Variants in ADAMTSL1 observed in about 807,000 individuals in gnomAD.
The protein encoded by ADAMTSL1 is ADAMTS-like protein 1.
Under a neutral mutation model 201.8 loss-of-function variants are expected in ADAMTSL1, and 126 were observed. The ratio of observed to expected loss-of-function variants is 0.62; its 90% CI spans 0.54 to 0.72. ADAMTSL1 has a LOEUF of 0.72. ADAMTSL1 is among the 30% of genes least tolerant of loss of function. The pLI is 0.00. For synonymous variants in ADAMTSL1, 1,121 were observed against 903.4 expected (o/e 1.24, Z -4.32); for missense variants, 2,679 against 2,277.8 (o/e 1.18, Z -3.59).
rs139037517 is a variant in ADAMTSL1, at chr9:17,991,914, C to T, written c.87+84992C>T. On this transcript the variant is annotated intron_variant, in intron 1 of 29. Coordinates refer to the ADAMTSL1 transcript ENST00000680146. Reference sequence around the variant, plus strand: ...AGGGCCCTGCCCCCGTGGTACCCTGCGACACTGCCTTGCCCCTCTCTCTCA... The same window carrying T: ...AGGGCCCTGCCCCCGTGGTACCCTGTGACACTGCCTTGCCCCTCTCTCTCA... Among the ~76,000 whole-genome samples, 993 of 152,230 alleles carry T rather than the reference C, an allele frequency of 6.5e-3. 7 individuals carry two copies. Among genetic ancestry groups the T allele is most frequent in the Middle Eastern group, 0.017 (5 of 294 alleles).
At chr9:18,886,166 G>GTATGTATATATATA (rs55916376) in intron 23 of ADAMTSL1, among the ~76,000 whole-genome samples, 43 of 37,080 alleles carry the variant, frequency 1.2e-3, no homozygotes, top group Non-Finnish European at 1.6e-3. Flanking sequence ...GTGTGTATGT[G>GTATGTATATATATA]TATATATATA....
intron 2 of ADAMTSL1, among the ~76,000 whole-genome samples, chr9:18,374,799 C>A (rs1428274962): frequency 6.6e-6 from 1 of 152,164 alleles, no homozygotes; most frequent in African/African-American, 2.4e-5. Flanking sequence ...ATTAGATGCA[C>A]TAAAGAAGAA....
chr9:18,078,590 G>T (rs554903379), intron 1 of ADAMTSL1, among the ~76,000 whole-genome samples: 5 of 152,216 alleles, frequency 3.3e-5, no homozygotes, highest in African/African-American at 9.6e-5. Context: ...ATATTTCTTT[G>T]GTCCTGGTGT....
intron 7 of ADAMTSL1, among the ~76,000 whole-genome samples, chr9:18,654,871 C>T (rs868506589): frequency 2.0e-5 from 3 of 152,220 alleles, no homozygotes; most frequent in African/African-American, 4.8e-5. Context: ...ACATCCCTGT[C>T]GCTCTGAGAG....
At chr9:17,994,769 A>G (rs1048857815) in intron 1 of ADAMTSL1, among the ~76,000 whole-genome samples, 4 of 152,182 alleles carry the variant, frequency 2.6e-5, no homozygotes, top group Admixed American at 6.5e-5. Context: ...AAGTCCAGGC[A>G]CAGGCTCTTT....
intron 1 of ADAMTSL1, among the ~76,000 whole-genome samples, chr9:18,012,423 T>C (rs1820088250): frequency 6.6e-6 from 1 of 152,086 alleles, no homozygotes; most frequent in African/African-American, 2.4e-5. Flanking sequence ...TGAAATCTTT[T>C]ATGAAGCATT....
intron 2 of ADAMTSL1, among the ~76,000 whole-genome samples, chr9:18,436,072 CA>C (rs1315348204): frequency 1.3e-5 from 2 of 152,160 alleles, no homozygotes; most frequent in East Asian, 3.9e-4. Context: ...GCCAGGGAAA[CA>C]GCAAGAACCA....
chr9:18,333,668 C>A (rs769355647), intron 2 of ADAMTSL1, among the ~76,000 whole-genome samples: 1 of 151,982 alleles, frequency 6.6e-6, no homozygotes, highest in Admixed American at 6.6e-5. Flanking sequence ...TAACTGAGTA[C>A]AATATTTGGT....
intron 13 of ADAMTSL1, among the ~76,000 whole-genome samples, chr9:18,685,677 T>C (rs1438047545): frequency 1.3e-5 from 2 of 152,184 alleles, no homozygotes; most frequent in Non-Finnish European, 2.9e-5. Flanking sequence ...GATTTCCAAA[T>C]TTTACTGGAG....
intron 9 of ADAMTSL1, among the ~76,000 whole-genome samples, chr9:18,664,499 G>C (rs1360334018): frequency 6.6e-6 from 1 of 151,914 alleles, no homozygotes; most frequent in Non-Finnish European, 1.5e-5. Context: ...CAACGTTCTT[G>C]GTATAAAGTC....
intron 26 of ADAMTSL1, among the ~76,000 whole-genome samples, chr9:18,899,226 A>C (rs1234200988): frequency 6.6e-6 from 1 of 152,190 alleles, no homozygotes; most frequent in Admixed American, 6.5e-5. Flanking sequence ...AATACCTAGG[A>C]ATACAGCAAA....
intron 7 of ADAMTSL1, among the ~76,000 whole-genome samples, chr9:18,646,064 T>C (rs1428503395): frequency 6.6e-6 from 1 of 152,112 alleles, no homozygotes; most frequent in Non-Finnish European, 1.5e-5. Context: ...TTTTATTTCC[T>C]TGAGCAGTGG....
At chr9:18,000,528 C>T (rs866632572) in intron 1 of ADAMTSL1, among the ~76,000 whole-genome samples, 1 of 152,006 alleles carries the variant, frequency 6.6e-6, no homozygotes, top group Admixed American at 6.6e-5. Flanking sequence ...GATCCTTTCT[C>T]TCTGCCATAG....
intron 1 of ADAMTSL1, among the ~76,000 whole-genome samples, chr9:18,049,068 C>A (rs562927400): frequency 6.6e-6 from 1 of 152,234 alleles, no homozygotes; most frequent in African/African-American, 2.4e-5. Context: ...CACACTGCTG[C>A]TTTCTCTGTG....
intron 2 of ADAMTSL1, among the ~76,000 whole-genome samples, chr9:18,427,076 G>T (rs923013482): frequency 2.0e-5 from 3 of 152,194 alleles, no homozygotes; most frequent in Non-Finnish European, 4.4e-5. Flanking sequence ...ATGCTTCCAT[G>T]ATTATCATTC....
intron 2 of ADAMTSL1, among the ~76,000 whole-genome samples, chr9:18,330,509 G>A (rs779094345): frequency 1.3e-5 from 2 of 151,802 alleles, no homozygotes; most frequent in Non-Finnish European, 2.9e-5. Flanking sequence ...CTTTCCATGT[G>A]GATGCCCGAG....
At chr9:18,601,497 C>T (rs1655605416) in intron 4 of ADAMTSL1, among the ~76,000 whole-genome samples, 1 of 152,138 alleles carries the variant, frequency 6.6e-6, no homozygotes, top group African/African-American at 2.4e-5. Context: ...AGAGTCTGGC[C>T]TAGTCTAAGT....
intron 2 of ADAMTSL1, among the ~76,000 whole-genome samples, chr9:18,421,826 T>C (rs774074449): frequency 9.9e-5 from 15 of 152,150 alleles, no homozygotes; most frequent in Non-Finnish European, 1.9e-4. Flanking sequence ...ATTGCAGAGT[T>C]ACTCAAATGC....
intron 2 of ADAMTSL1, among the ~76,000 whole-genome samples, chr9:18,354,805 A>G (rs1051719575): frequency 2.0e-5 from 3 of 152,046 alleles, no homozygotes; most frequent in Admixed American, 2.0e-4. Flanking sequence ...CCCCATCTCT[A>G]CTGAAAAATA....
Sources: gnomAD v4.1 joint callset for allele counts (sites outside exome capture counted in the v4.1 genomes callset) on GRCh38, gnomAD v4.1.1 for gene constraint, MANE v1.5 for transcripts, NCBI Gene and HGNC (gene_info 2026-07-23, HGNC 2026-07-21) for gene names.